The following TREML4 variants were observed in gnomAD, a reference collection of about 807,000 sequenced individuals.
TREML4 encodes the protein trem-like transcript 4 protein.
A neutral mutation model predicts 25.4 loss-of-function variants in TREML4; 25 were observed. That is an observed-to-expected ratio of 0.98 (90% CI 0.72 to 1.37). The LOEUF is 1.37. Ranked by LOEUF, TREML4 falls within the 40% of genes most tolerant of loss-of-function variation. The probability of loss-of-function intolerance (pLI) is 0.00; values close to 1 mark genes in which losing one functional copy is unlikely to be tolerated. For missense variants in TREML4, 268 were observed against 236.5 expected, an observed-to-expected ratio of 1.13 and a Z score of -0.87; for synonymous variants, 92 against 87.9, an observed-to-expected ratio of 1.05 and a Z score of -0.26.
At chr6:41,231,301 A>G (rs1027117242) in intron 4 of TREML4, among the ~76,000 whole-genome samples, 8 of 152,042 alleles carry the variant, frequency 5.3e-5, no homozygotes, top group Non-Finnish European at 1.0e-4. Context: ...AAGGTTGGGG[A>G]CTGTTGCTTT....
Position 41,230,074 on chromosome 6 carries a change from C to T in TREML4, c.458C>T (p.Ser153Phe). Residue 153 changes from serine (S) to phenylalanine (F), a missense_variant, in exon 4 of 6, where the codon TCT becomes TTT. Coordinates refer to ENST00000341495, the MANE Select transcript of TREML4 (RefSeq NM_198153.3). ...WLPTSTVLIT[S>F]PEGTSGHPSI... is the part of the protein sequence containing the mutation. ...GTGTCCTCTTTAGTTCTGATCACTTCTCCAGAGGGGACCTCTGGCCATCCC... is the reference window on the plus strand; with the variant it reads ...GTGTCCTCTTTAGTTCTGATCACTTTTCCAGAGGGGACCTCTGGCCATCCC... The T allele has an allele frequency of 1.2e-6, 2 of 1,611,472 alleles. No homozygotes were observed. The highest frequency in any genetic ancestry group is 8.5e-7 in the Non-Finnish European group (1 of 1,177,592).
chr6:41,232,127 CT>C (rs1415898196), intron 4 of TREML4, among the ~76,000 whole-genome samples: 1 of 152,182 alleles, frequency 6.6e-6, no homozygotes, highest in Admixed American at 6.6e-5. Flanking sequence ...TAAAGAAAAA[CT>C]TTGTATCCAG....
At chr6:41,236,049 G>T (rs1766889775) in intron 4 of TREML4, among the ~76,000 whole-genome samples, 1 of 152,052 alleles carries the variant, frequency 6.6e-6, no homozygotes, top group African/African-American at 2.4e-5. Flanking sequence ...CTAGGTCTGT[G>T]CTGTCACCAC....
rs956067269 is a variant in TREML4, at chr6:41,237,230, A to C, written c.*211A>C. 1.3e-5 allele frequency: 2 copies of C among 152,816 alleles called. No homozygotes were observed. The highest frequency in any genetic ancestry group is 4.1e-4 in the South Asian group (2 of 4,838). The allele number at this position is 152,816 out of a possible 1,614,324, so 9.5% of individuals were successfully genotyped here. A position where few individuals can be genotyped will look rare whatever the true frequency, so the allele number is the denominator to read the frequency against. The stretch of plus-strand genomic sequence containing the variant: ...GTGAGGAAAGGCTAGCGCTAAGCCT[A>C]TTGGAGAGAACTTTCAGCCCCTGAA... On this transcript the variant is annotated 3_prime_UTR_variant, in exon 6 of 6. Coordinates refer to ENST00000341495, the MANE Select transcript of TREML4 (RefSeq NM_198153.3).
chr6:41,232,817 G>T (rs370189604), intron 4 of TREML4, among the ~76,000 whole-genome samples: 1 of 152,182 alleles, frequency 6.6e-6, no homozygotes, highest in East Asian at 1.9e-4. Flanking sequence ...CTAACAGGAA[G>T]CGAAGCTCAG....
chr6:41,237,745 G>A lies in TREML4; in HGVS notation c.*726G>A, dbSNP rs768443922. 1.3e-5 allele frequency: 2 copies of A among 152,196 alleles called. No individual in the cohort carries two copies. Among genetic ancestry groups the A allele is most frequent in the African/African-American group, 4.8e-5 (2 of 41,430 alleles). 9.4% of individuals were successfully genotyped at this position (152,196 alleles called of 1,614,324 possible). A position where few individuals can be genotyped will look rare whatever the true frequency, so the allele number is the denominator to read the frequency against. On this transcript the variant is annotated 3_prime_UTR_variant, in exon 6 of 6. Transcript: ENST00000341495. ...AAAATTAGATGCGTTAAAATGACAT[G>A]AGCAGGCGACTCAGTGGCCCAAAAC...
At chr6:41,230,267 C>A in intron 4 of TREML4, 145 bp downstream of exon 4, 1 of 620,638 alleles carries the variant, frequency 1.6e-6, no homozygotes, top group South Asian at 1.9e-5. Context: ...AGCCCCCAGG[C>A]CATGACTCAA....
chr6:41,229,708 C>T, intron 3 of TREML4, 137 bp downstream of exon 3: 4 of 852,542 alleles, frequency 4.7e-6, no homozygotes, highest in Non-Finnish European at 7.9e-6. Context: ...TGGGAAGCTA[C>T]CTTCAGGGCC....
chr6:41,229,005 A>T lies in TREML4; in HGVS notation c.355A>T (p.Ile119Phe). The T allele has an allele frequency of 6.2e-7, 1 of 1,614,118 alleles. No homozygotes were observed. Among genetic ancestry groups the T allele is most frequent in the Non-Finnish European group, 8.5e-7 (1 of 1,179,992 alleles). ...CGIYNASENI[I>F]TVLRNISLVV... ...AATCTACAACGCTTCCGAAAACATC[A>T]TCACTGTTCTTAGAAATATCAGCCT... Residue 119 changes from isoleucine (I) to phenylalanine (F), a missense_variant, in exon 2 of 6, where the codon ATC becomes TTC. Ile to Phe is a conservative substitution (Grantham distance 21, BLOSUM62 0). Transcript: ENST00000341495.
At chr6:41,229,475 C>G (rs771030572) in intron 2 of TREML4, 46 bp from the exon 3 acceptor site, 1 of 1,608,742 alleles carries the variant, frequency 6.2e-7, no homozygotes, top group African/African-American at 1.3e-5. Context: ...ACCCTACTCT[C>G]TTCTGGGCCC....
intron 1 of TREML4, 54 bp from the exon 2 acceptor site, chr6:41,228,660 T>C: frequency 1.9e-6 from 3 of 1,561,022 alleles, no homozygotes; most frequent in Non-Finnish European, 2.6e-6. Flanking sequence ...TGGGGGAGGT[T>C]GGGTCCCTTC....
intron 3 of TREML4, 127 bp downstream of exon 3, chr6:41,229,698 T>C (rs1202245853): frequency 2.1e-6 from 2 of 956,608 alleles, no homozygotes; most frequent in African/African-American, 3.2e-5. Context: ...CCTGGGCTTG[T>C]GGGAAGCTAC....
chr6:41,230,176 T>G, intron 4 of TREML4, 54 bp downstream of exon 4: 1 of 1,434,156 alleles, frequency 7.0e-7, no homozygotes. Flanking sequence ...GAGGGCCTGA[T>G]TAGCTCCTGA....
rs9296357 is a variant in TREML4 at position 41,230,047 on chromosome 6, T to C, written c.446-15T>C. The C allele has an allele frequency of 0.78, 1,244,961 of 1,601,126 alleles. 488,907 individuals are homozygous for C. Among genetic ancestry groups the C allele is most frequent in the East Asian group, 0.87 (38,905 of 44,784 alleles). ...GTGCCCTGGGCAGCCACTGTCTTCT[T>C]TGTGTCCTCTTTAGTTCTGATCACT... On this transcript the variant is annotated splice_polypyrimidine_tract_variant and intron_variant, in intron 3 of 5. Transcript: ENST00000341495.
chr6:41,233,992 C>T (rs954053617), intron 4 of TREML4, among the ~76,000 whole-genome samples: 9 of 151,164 alleles, frequency 6.0e-5, no homozygotes, highest in Admixed American at 2.0e-4. Context: ...TGTATAAGTA[C>T]ACATATATAT....
intron 2 of TREML4, 35 bp downstream of exon 2, chr6:41,229,079 A>T: frequency 1.3e-6 from 2 of 1,560,548 alleles, no homozygotes. Flanking sequence ...CCTCTGTGCC[A>T]CCCCCCAGGG....
At chr6:41,235,333 C>T (rs773186361) in intron 4 of TREML4, among the ~76,000 whole-genome samples, 3 of 152,012 alleles carry the variant, frequency 2.0e-5, no homozygotes, top group African/African-American at 7.2e-5. Context: ...CTGATCAATG[C>T]TTGAAGGAAA....
intron 2 of TREML4, 38 bp from the exon 3 acceptor site, chr6:41,229,483 C>T: frequency 1.9e-6 from 3 of 1,610,912 alleles, no homozygotes; most frequent in East Asian, 2.2e-5. Flanking sequence ...CTCTTCTGGG[C>T]CCCTGGAGAG....
rs1766907225 is a variant in TREML4, at chr6:41,236,569, G to A, written c.590G>A (p.Gly197Asp). Residue 197 changes from glycine (G) to aspartate (D), a missense_variant, in exon 5 of 6, where the codon GGC (glycine) becomes GAC (aspartate). Transcript: ENST00000341495. The part of the protein sequence containing the change: ...LVLCGLLLAK[G>D]LML Reference sequence around the variant, plus strand: ...CTATGTGGACTCCTCCTGGCCAAGGGCCTGATGTTGTGAGTCCTGTTAGTG... The same window carrying A: ...CTATGTGGACTCCTCCTGGCCAAGGACCTGATGTTGTGAGTCCTGTTAGTG... The A allele has an allele frequency of 3.1e-6, 5 of 1,613,846 alleles. No homozygotes were observed. The highest frequency in any genetic ancestry group is 2.2e-5 in the South Asian group (2 of 91,084).
Sources: allele counts gnomAD v4.1 joint callset (sites outside exome capture counted in the v4.1 genomes callset), GRCh38; gene constraint gnomAD v4.1.1; transcripts MANE v1.5; gene names NCBI Gene and HGNC (gene_info 2026-07-23, HGNC 2026-07-21).